The following F8 variants were observed in gnomAD, a reference collection of about 807,000 sequenced individuals.
F8 encodes the protein coagulation factor VIII.
F8 carries 12 observed loss-of-function variants against 140.6 expected under a neutral mutation model. The observed-to-expected ratio is 0.09, with a 90% CI of 0.05 to 0.14. F8 has a LOEUF of 0.14. Among genes scored for constraint, F8 ranks in the 10% least tolerant of loss-of-function variants. The pLI, the probability that F8 is intolerant of heterozygous loss-of-function variation, is 1.00. For synonymous variants in F8, 585 were observed against 614.6 expected (o/e 0.95, Z 0.71); for missense variants, 1,354 against 1,720.7 (o/e 0.79, Z 3.77).
At chrX:154,865,629 G>A (rs993856447) in intron 22 of F8, among the ~76,000 whole-genome samples, 1 of 109,636 alleles carries the variant, frequency 9.1e-6, no homozygotes, top group Non-Finnish European at 1.9e-5. Context: ...TGAAGGTGTT[G>A]TCAGCTTAAA....
chrX:154,985,162 G>A (rs1251371822), intron 5 of F8, among the ~76,000 whole-genome samples: 2 of 111,775 alleles, frequency 1.8e-5, no homozygotes, highest in Middle Eastern at 4.6e-3. Context: ...GGGGCCGGGC[G>A]CGGTGGCTCA....
chrX:154,966,063 G>A lies in F8; in HGVS notation c.1350C>T (p.Tyr450=). ...CACGAGTCTTAAAGGTTTCATCTGT[G>A]TATGCCATAAATCGGACTTTTTTGT... The part of the protein sequence containing the change: ...RKYKKVRFMA[Y]TDETFKTREA... Residue 450 remains tyrosine, a synonymous_variant, in exon 9 of 26, where the codon TAC becomes TAT. Transcript: ENST00000360256. 1 of 1,209,972 alleles carries A rather than the reference G, an allele frequency of 8.3e-7. No homozygotes were observed. Among genetic ancestry groups the A allele is most frequent in the Non-Finnish European group, 1.1e-6 (1 of 894,030 alleles).
chrX:154,965,167 G>T (rs1440651842), intron 9 of F8, among the ~76,000 whole-genome samples: 6 of 111,601 alleles, frequency 5.4e-5, no homozygotes, highest in Non-Finnish European at 1.1e-4. Flanking sequence ...AAAATTTTCT[G>T]AAGGTTTATA....
rs145089334 is a variant in F8, at chrX:154,931,094, C to T, written c.2696G>A (p.Ser899Asn). ...TGTTGAAATCAGATTATTTGATGTA[C>T]TAGAAACTTTGAAATCAAGTTTCTT... ...ELKKLDFKVS[S>N]TSNNLISTIP... is the part of the protein sequence containing the mutation. Residue 899 changes from serine to asparagine, a missense_variant, in exon 14 of 26, where the codon AGT becomes AAT. Coordinates refer to ENST00000360256, the MANE Select transcript of F8 (RefSeq NM_000132.4). 9.0e-5 allele frequency: 108 copies of T among 1,205,416 alleles called. 1 individual carries two copies. The highest frequency in any genetic ancestry group is 1.1e-4 in the Non-Finnish European group (99 of 893,099).
intron 7 of F8, among the ~76,000 whole-genome samples, chrX:154,968,550 G>GA (rs1328493444): frequency 3.6e-5 from 4 of 111,887 alleles, no homozygotes; most frequent in Non-Finnish European, 7.5e-5. Context: ...CAAAAGTAAG[G>GA]AAAATTGGGG....
intron 1 of F8, among the ~76,000 whole-genome samples, chrX:155,002,490 G>T (rs1298703588): frequency 1.8e-5 from 2 of 111,003 alleles, no homozygotes; most frequent in Non-Finnish European, 3.8e-5. Context: ...AAAAGACAGA[G>T]GAAGGGCAAA....
At chrX:154,926,626 T>G (rs2124043861) in intron 14 of F8, among the ~76,000 whole-genome samples, 1 of 111,850 alleles carries the variant, frequency 8.9e-6, no homozygotes, top group South Asian at 3.8e-4. Flanking sequence ...TCCACCTGCC[T>G]CAGCTTCCCC....
chrX:154,847,568 G>T (rs1221994134), intron 25 of F8, among the ~76,000 whole-genome samples: 1 of 111,794 alleles, frequency 8.9e-6, no homozygotes, highest in Non-Finnish European at 1.9e-5. Context: ...TCTTCCAGTT[G>T]ATCGCATCGG....
intron 6 of F8, among the ~76,000 whole-genome samples, chrX:154,976,806 T>G (rs1192423284): frequency 8.9e-6 from 1 of 112,063 alleles, no homozygotes; most frequent in Admixed American, 9.4e-5. Flanking sequence ...ATCATCATTC[T>G]CAGTAAACTA....
chrX:154,946,357 G>A (rs1332968691), intron 13 of F8, among the ~76,000 whole-genome samples: 7 of 111,950 alleles, frequency 6.3e-5, no homozygotes, highest in African/African-American at 2.3e-4. Context: ...AAAACAGCAC[G>A]GTACTGGCAT....
At chrX:155,000,977 C>T (rs1557285564) in intron 1 of F8, among the ~76,000 whole-genome samples, 1 of 111,525 alleles carries the variant, frequency 9.0e-6, no homozygotes, top group Non-Finnish European at 1.9e-5. Context: ...TGTAAGTATT[C>T]ATATGCTTGG....
chrX:154,926,205 G>A (rs1256709742), intron 14 of F8, among the ~76,000 whole-genome samples: 1 of 112,005 alleles, frequency 8.9e-6, no homozygotes, highest in Non-Finnish European at 1.9e-5. Flanking sequence ...GTGGAACTGT[G>A]AGTCCATTAA....
intron 25 of F8, among the ~76,000 whole-genome samples, chrX:154,847,606 A>T (rs782559072): frequency 8.9e-6 from 1 of 112,064 alleles, no homozygotes; most frequent in South Asian, 3.7e-4. Context: ...TTCGTCACAT[A>T]GTTCTCGTGC....
chrX:154,923,288 T>C (rs1227512946), intron 14 of F8, among the ~76,000 whole-genome samples: 4 of 112,321 alleles, frequency 3.6e-5, no homozygotes, highest in African/African-American at 1.3e-4. Context: ...TCTTGGCTTG[T>C]AACCTGCTTT....
chrX:154,948,626 T>A (rs943823681), intron 12 of F8, among the ~76,000 whole-genome samples: 30 of 112,206 alleles, frequency 2.7e-4, no homozygotes, highest in Admixed American at 2.6e-3. Context: ...TTCTGTACAT[T>A]TTAAATTATT....
In F8 at chrX:154,860,454, A is replaced by C; in HGVS notation, c.6878T>G (p.Phe2293Cys). ...SSQDGHQWTL[F>C]FQNGKVKVFQ... ...TACCTTTACTTTGCCATTCTGAAAA[A>C]AGAGAGTCCACTGATGGCCATCTTG... The change falls in exon 25 of 26, where the codon TTT (phenylalanine) becomes TGT (cysteine). Residue 2293 changes from phenylalanine (F) to cysteine (C), a missense_variant. Physicochemically the swap from Phe to Cys is radical, Grantham distance 205. Coordinates refer to ENST00000360256, the MANE Select transcript of F8 (RefSeq NM_000132.4). 1 of 1,211,285 alleles carries C rather than the reference A, an allele frequency of 8.3e-7. No individual in the cohort carries two copies. The highest frequency in any genetic ancestry group is 1.1e-6 in the Non-Finnish European group (1 of 895,296).
intron 22 of F8, among the ~76,000 whole-genome samples, chrX:154,863,473 C>T (rs1213907777): frequency 9.0e-6 from 1 of 111,432 alleles, no homozygotes; most frequent in African/African-American, 3.3e-5. Flanking sequence ...ACTTTGAGTT[C>T]CTGTAAAAGG....
intron 5 of F8, among the ~76,000 whole-genome samples, chrX:154,985,755 G>T (rs1010675476): frequency 8.9e-6 from 1 of 112,291 alleles, no homozygotes; most frequent in Non-Finnish European, 1.9e-5. Flanking sequence ...TAGAGAGGAA[G>T]ATACAGCCTC....
intron 22 of F8, among the ~76,000 whole-genome samples, chrX:154,870,067 C>CA (rs1475357244): frequency 9.0e-6 from 1 of 111,542 alleles, no homozygotes; most frequent in Non-Finnish European, 1.9e-5. Context: ...GCCTACCAAC[C>CA]AAAAAAAGTA....
Sources: allele counts gnomAD v4.1 joint callset (sites outside exome capture counted in the v4.1 genomes callset), GRCh38; gene constraint gnomAD v4.1.1; transcripts MANE v1.5; gene names NCBI Gene and HGNC (gene_info 2026-07-23, HGNC 2026-07-21).